The following SIPA1L1 variants were observed in gnomAD, a reference collection of about 807,000 sequenced individuals.
The protein encoded by SIPA1L1 is signal induced proliferation associated 1 like 1.
A neutral mutation model predicts 162.7 loss-of-function variants in SIPA1L1; 26 were observed. The ratio of observed to expected loss-of-function variants is 0.16; its 90% CI spans 0.12 to 0.22. SIPA1L1 has a LOEUF of 0.22. SIPA1L1 is among the 10% of genes least tolerant of loss of function. SIPA1L1 has a pLI of 1.00. For missense variants in SIPA1L1, 1,874 were observed against 2,241.0 expected (o/e 0.84, Z 3.31); for synonymous variants, 829 against 837.4 (o/e 0.99, Z 0.17).
Position 71,620,368 on chromosome 14 carries a change from C to T in SIPA1L1, c.1629+1481C>T, listed in dbSNP as rs1458529801. 2.0e-5 allele frequency among the ~76,000 whole-genome samples: 3 copies of T among 152,214 alleles called. No homozygotes were observed. The East Asian group carries it at 5.8e-4, about 29-fold the overall frequency. ...ACAGGCGTGAGCCACCACACCTGGC[C>T]GTTCCTACCAGTTTTTAGTGATACT... On this transcript the variant is annotated intron_variant, in intron 6 of 23. Transcript: ENST00000381232.
chr14:71,387,643 G>A (rs186310524), intron 2 of SIPA1L1, among the ~76,000 whole-genome samples: 96 of 152,278 alleles, frequency 6.3e-4, no homozygotes, highest in Admixed American at 1.5e-3. Context: ...GTATGCATAC[G>A]TATGTTTCAA....
chr14:71,575,978 GT>G (rs1365419970), intron 4 of SIPA1L1, among the ~76,000 whole-genome samples: 1 of 152,158 alleles, frequency 6.6e-6, no homozygotes, highest in Non-Finnish European at 1.5e-5. Context: ...CCATGATTAC[GT>G]TTTAGATTAC....
intron 23 of SIPA1L1, 104 bp downstream of exon 23, chr14:71,738,429 C>G (rs894402333): frequency 3.8e-5 from 27 of 709,618 alleles, no homozygotes; most frequent in Non-Finnish European, 5.7e-5. Context: ...TGGGTGTCTT[C>G]CCGGTGCCTG....
At chr14:71,453,072 G>A (rs1231274196) in intron 2 of SIPA1L1, among the ~76,000 whole-genome samples, 2 of 152,074 alleles carry the variant, frequency 1.3e-5, no homozygotes, top group Non-Finnish European at 2.9e-5. Flanking sequence ...TTTTGAAATT[G>A]TGAAATATTT....
At chr14:71,593,550 A>G (rs932283399) in intron 5 of SIPA1L1, among the ~76,000 whole-genome samples, 1 of 152,142 alleles carries the variant, frequency 6.6e-6, no homozygotes, top group African/African-American at 2.4e-5. Context: ...TCAGAGTACT[A>G]AGGAAATTTA....
chr14:71,388,908 A>G (rs905029015), intron 2 of SIPA1L1, among the ~76,000 whole-genome samples: 3 of 152,176 alleles, frequency 2.0e-5, no homozygotes, highest in Middle Eastern at 3.4e-3. Flanking sequence ...TGTCATATGT[A>G]TTTTTTACCA....
chr14:71,417,268 G>A (rs1004216546), intron 2 of SIPA1L1, among the ~76,000 whole-genome samples: 2 of 151,472 alleles, frequency 1.3e-5, no homozygotes, highest in African/African-American at 4.8e-5. Context: ...TCAGGAGATC[G>A]AGACCATCCT....
intron 16 of SIPA1L1, among the ~76,000 whole-genome samples, chr14:71,706,295 A>G (rs1555360588): frequency 6.6e-6 from 1 of 152,210 alleles, no homozygotes; most frequent in Non-Finnish European, 1.5e-5. Context: ...ATGATAGATT[A>G]TCCCAATTGA....
At chr14:71,400,490 G>A (rs2041586862) in intron 2 of SIPA1L1, among the ~76,000 whole-genome samples, 1 of 152,042 alleles carries the variant, frequency 6.6e-6, no homozygotes, top group African/African-American at 2.4e-5. Context: ...GGAATGTTTG[G>A]TATTCACGTC....
intron 7 of SIPA1L1, among the ~76,000 whole-genome samples, chr14:71,648,393 CAAAG>C (rs999604727): frequency 6.6e-6 from 1 of 152,118 alleles, no homozygotes; most frequent in African/African-American, 2.4e-5. Flanking sequence ...GGGAGGGAGA[CAAAG>C]CAAGCAAAGG....
At chr14:71,572,384 G>T (rs970765212) in intron 4 of SIPA1L1, among the ~76,000 whole-genome samples, 1 of 152,222 alleles carries the variant, frequency 6.6e-6, no homozygotes, top group Non-Finnish European at 1.5e-5. Flanking sequence ...CCATCAGTCA[G>T]TTTAAAGCTA....
At chr14:71,582,111 A>T (rs2034013008) in intron 4 of SIPA1L1, among the ~76,000 whole-genome samples, 1 of 152,256 alleles carries the variant, frequency 6.6e-6, no homozygotes. Flanking sequence ...CTTTGGTAGG[A>T]TCCCTTGAAC....
At chr14:71,352,521 C>T (rs908585393) in intron 2 of SIPA1L1, among the ~76,000 whole-genome samples, 1 of 152,120 alleles carries the variant, frequency 6.6e-6, no homozygotes, top group Non-Finnish European at 1.5e-5. Context: ...TTTCTGGCTT[C>T]TTTTACCAAC....
At chr14:71,513,836 C>T (rs2051421357) in intron 3 of SIPA1L1, among the ~76,000 whole-genome samples, 1 of 152,088 alleles carries the variant, frequency 6.6e-6, no homozygotes, top group African/African-American at 2.4e-5. Flanking sequence ...TTAGGGATGA[C>T]AGTTAGGGAT....
At chr14:71,701,886 C>T (rs2082122754) in intron 14 of SIPA1L1, among the ~76,000 whole-genome samples, 1 of 152,106 alleles carries the variant, frequency 6.6e-6, no homozygotes, top group Non-Finnish European at 1.5e-5. Context: ...GTATTTCAGA[C>T]CACAAAGCAA....
intron 10 of SIPA1L1, among the ~76,000 whole-genome samples, chr14:71,663,595 G>A (rs772903570): frequency 6.6e-5 from 10 of 152,146 alleles, no homozygotes; most frequent in Non-Finnish European, 1.0e-4. Flanking sequence ...AACCACACAA[G>A]TCTAAACAGA....
At chr14:71,643,061 GA>G (rs1300420643) in intron 7 of SIPA1L1, among the ~76,000 whole-genome samples, 5 of 152,092 alleles carry the variant, frequency 3.3e-5, no homozygotes, top group African/African-American at 1.2e-4. Context: ...GAGGAGTTAG[GA>G]ACTACCTGAA....
chr14:71,731,855 A>G (rs2084817366), intron 20 of SIPA1L1, among the ~76,000 whole-genome samples: 1 of 152,220 alleles, frequency 6.6e-6, no homozygotes, highest in South Asian at 2.1e-4. Flanking sequence ...TAGCAGCTGC[A>G]GTGATTTCAC....
chr14:71,380,927 G>A (rs1008531687), intron 2 of SIPA1L1, among the ~76,000 whole-genome samples: 1 of 152,070 alleles, frequency 6.6e-6, no homozygotes, highest in Non-Finnish European at 1.5e-5. Flanking sequence ...TCACAAGTGA[G>A]GAAAAGTAGA....
Sources: gnomAD v4.1 joint callset for allele counts (sites outside exome capture counted in the v4.1 genomes callset) on GRCh38, gnomAD v4.1.1 for gene constraint, MANE v1.5 for transcripts, NCBI Gene and HGNC (gene_info 2026-07-23, HGNC 2026-07-21) for gene names.